FHAD1: variants seen among roughly 807,000 people sequenced by gnomAD.
FHAD1 encodes the protein forkhead-associated domain-containing protein 1.
Under a neutral mutation model 191.3 loss-of-function variants are expected in FHAD1, and 146 were observed. That is an observed-to-expected ratio of 0.76 (90% CI 0.67 to 0.88). The LOEUF (loss-of-function observed/expected upper bound fraction) is 0.88, where lower values mean the gene tolerates loss of function less well. Among genes scored for constraint, FHAD1 ranks in the 40% least tolerant of loss-of-function variants. FHAD1 has a pLI of 0.00. For missense variants in FHAD1, 1,635 were observed against 1,785.8 expected, an observed-to-expected ratio of 0.92 and a Z score of 1.52; for synonymous variants, 616 against 672.3, an observed-to-expected ratio of 0.92 and a Z score of 1.29.
intron 6 of FHAD1, among the ~76,000 whole-genome samples, chr1:15,305,307 C>T (rs983288257): frequency 1.3e-5 from 2 of 152,152 alleles, no homozygotes; most frequent in African/African-American, 4.8e-5. Flanking sequence ...GAATTGGTGT[C>T]CTCCCTACCT....
intron 3 of FHAD1, 139 bp downstream of exon 3, chr1:15,272,668 G>T: frequency 1.3e-6 from 1 of 742,456 alleles, no homozygotes; most frequent in Non-Finnish European, 2.2e-6. Context: ...GAGACAGAGT[G>T]GACCCTGTGG....
Position 15,289,354 on chromosome 1 carries a change from T to A in FHAD1, c.301-45T>A. 3 of 1,532,624 alleles carry A rather than the reference T, an allele frequency of 2.0e-6. No homozygotes were observed. Among genetic ancestry groups the A allele is most frequent in the Non-Finnish European group, 2.6e-6 (3 of 1,135,366 alleles). The allele number at this position is 1,532,624 out of a possible 1,614,324, so 94.9% of individuals were successfully genotyped here. The stretch of plus-strand genomic sequence containing the variant: ...GGCTGGGACAAAGAAATGGAGACCA[T>A]CCCAGCCGGTCATAACCTCCCCTGA... On this transcript the variant is annotated intron_variant, in intron 3 of 33. Transcript: ENST00000688493. The surrounding 1 kb of genome is among the most constrained non-coding windows in gnomAD (Gnocchi z 4.2).
chr1:15,321,029 G>A (rs189435064), intron 10 of FHAD1, among the ~76,000 whole-genome samples: 16 of 152,310 alleles, frequency 1.1e-4, no homozygotes, highest in Admixed American at 8.5e-4. Flanking sequence ...CCACCTCCTG[G>A]GTTCAAGCAA....
At chr1:15,279,785 G>A (rs965705002) in intron 3 of FHAD1, among the ~76,000 whole-genome samples, 10 of 152,006 alleles carry the variant, frequency 6.6e-5, no homozygotes, top group Admixed American at 3.9e-4. Context: ...GGCCAGGCCT[G>A]GGGCATACTC....
intron 5 of FHAD1, among the ~76,000 whole-genome samples, chr1:15,297,066 T>A (rs542899032): frequency 6.6e-6 from 1 of 152,368 alleles, no homozygotes; most frequent in East Asian, 1.9e-4. Context: ...ATAGGTTTTT[T>A]AAATCACCAT....
chr1:15,350,040 C>A (rs780374612), intron 19 of FHAD1, among the ~76,000 whole-genome samples: 1 of 152,250 alleles, frequency 6.6e-6, no homozygotes, highest in Non-Finnish European at 1.5e-5. Flanking sequence ...CAGACACACA[C>A]GTGCCAGCCC....
chr1:15,391,531 A>G (rs1208021288), intron 33 of FHAD1, among the ~76,000 whole-genome samples: 1 of 152,338 alleles, frequency 6.6e-6, no homozygotes, highest in South Asian at 2.1e-4. Flanking sequence ...AATCTTAAAC[A>G]TGTTGAATCA....
chr1:15,299,262 T>G (rs1239682647), intron 5 of FHAD1, among the ~76,000 whole-genome samples: 1 of 150,712 alleles, frequency 6.6e-6, no homozygotes, highest in Non-Finnish European at 1.5e-5. Context: ...TTGTCTTATC[T>G]TATTGGAAAA....
chr1:15,320,730 C>T (rs981656966), intron 10 of FHAD1, among the ~76,000 whole-genome samples: 1 of 152,128 alleles, frequency 6.6e-6, no homozygotes, highest in East Asian at 1.9e-4. Flanking sequence ...TTATGTCAAT[C>T]TTTATTTTAC....
At position 15,382,039 on chromosome 1, in the gene FHAD1, T is replaced by C. The variant is rs1011330121; in HGVS notation, c.4034T>C (p.Val1345Ala). The change falls in exon 31 of 34, where the codon GTG (valine) becomes GCG (alanine). Residue 1345 changes from valine (V) to alanine (A), a missense_variant. By Grantham distance (64) the Val-to-Ala change is moderately conservative. Transcript: ENST00000688493. ...KDVEQLRRSK[V>A]SIEMYQSQVA... Reference sequence around the variant, plus strand: ...TCCTGTGCACCCAGGCGGAGCAAAGTGTCCATTGAGATGTACCAGTCGCAG... The same window carrying C: ...TCCTGTGCACCCAGGCGGAGCAAAGCGTCCATTGAGATGTACCAGTCGCAG... 1 of 1,552,024 alleles carries C rather than the reference T, an allele frequency of 6.4e-7. No homozygotes were observed.
chr1:15,381,138 A>G lies in FHAD1; in HGVS notation c.3802-93A>G. ...TGTGCGTGTTCTCTGCAATTGCAGA[A>G]AGTGAATGAAACAGAATTAGACATT... On this transcript the variant is annotated intron_variant, in intron 29 of 33. Coordinates refer to ENST00000688493, the MANE Select transcript of FHAD1 (RefSeq NM_001391957.1). This position sits in a 1 kb window ranked among gnomAD's most constrained non-coding sequence, Gnocchi z 4.6. The G allele has an allele frequency of 3.6e-6, 3 of 832,522 alleles. No homozygotes were observed. The highest frequency in any genetic ancestry group is 1.9e-6 in the Non-Finnish European group (1 of 524,428). 51.6% of individuals were successfully genotyped at this position (832,522 alleles called of 1,614,324 possible).
At chr1:15,396,626 T>C (rs935236466) in intron 33 of FHAD1, among the ~76,000 whole-genome samples, 27 of 151,570 alleles carry the variant, frequency 1.8e-4, no homozygotes, top group Admixed American at 1.6e-3. Flanking sequence ...TTGACCAACA[T>C]GGTGAAACCC....
chr1:15,272,302 T>C (rs1442846735), intron 2 of FHAD1, 21 bp from the exon 3 acceptor site: 2 of 1,543,352 alleles, frequency 1.3e-6, no homozygotes, highest in Admixed American at 3.9e-5. Context: ...TGGCTACGAC[T>C]GTCCTCCTTC....
intron 14 of FHAD1, among the ~76,000 whole-genome samples, chr1:15,336,888 A>G (rs2496331): frequency 0.15 from 22,669 of 152,090 alleles, 3,284 homozygotes; most frequent in African/African-American, 0.38. Flanking sequence ...GATCTTTTCC[A>G]TTCATTCCCA....
intron 2 of FHAD1, among the ~76,000 whole-genome samples, chr1:15,266,017 A>C (rs1024552012): frequency 5.9e-5 from 9 of 151,824 alleles, no homozygotes; most frequent in African/African-American, 1.9e-4. Context: ...GAGCACAAAG[A>C]AATGTGGTCA....
intron 26 of FHAD1, among the ~76,000 whole-genome samples, chr1:15,373,442 G>T (rs562757026): frequency 6.6e-6 from 1 of 151,808 alleles, no homozygotes; most frequent in Non-Finnish European, 1.5e-5. Context: ...AACCCGGGAG[G>T]TGGAGGTTGC....
intron 26 of FHAD1, among the ~76,000 whole-genome samples, chr1:15,373,047 A>ATGAAT (rs1698564188): frequency 6.6e-6 from 1 of 152,244 alleles, no homozygotes; most frequent in Admixed American, 6.5e-5. Flanking sequence ...AGATGAATGA[A>ATGAAT]TGAATTTCTT....
intron 1 of FHAD1, among the ~76,000 whole-genome samples, chr1:15,250,657 C>T (rs1646663668): frequency 6.6e-6 from 1 of 152,146 alleles, no homozygotes; most frequent in South Asian, 2.1e-4. Flanking sequence ...TCATCTAATG[C>T]CTGCCTCTCC....
intron 3 of FHAD1, among the ~76,000 whole-genome samples, chr1:15,278,497 G>A (rs1368117233): frequency 4.7e-5 from 3 of 64,068 alleles, no homozygotes; most frequent in Non-Finnish European, 9.4e-5. Context: ...TTTTTGAGAC[G>A]GAGTCTCACT....
Sources: allele counts gnomAD v4.1 joint callset (sites outside exome capture counted in the v4.1 genomes callset), GRCh38; gene constraint gnomAD v4.1.1; non-coding constraint Gnocchi (gnomAD v3.1); transcripts MANE v1.5; gene names NCBI Gene and HGNC (gene_info 2026-07-23, HGNC 2026-07-21).